The following MED13L variants were observed in gnomAD, a reference collection of about 807,000 sequenced individuals.
The protein encoded by MED13L is mediator complex subunit 13L, also known as mediator of RNA polymerase II transcription subunit 13-like.
In MED13L, 7 loss-of-function variants were observed where a neutral mutation model predicts 220.9. That is an observed-to-expected ratio of 0.03 (90% CI 0.02 to 0.06). MED13L has a LOEUF of 0.06. MED13L is among the 10% of genes least tolerant of loss of function. The pLI is 1.00. For synonymous variants in MED13L, 1,011 were observed against 1,015.2 expected (o/e 1.00, Z 0.08); for missense variants, 1,965 against 2,760.5 (o/e 0.71, Z 6.46).
At chr12:116,040,746 T>C (rs1432619277) in intron 4 of MED13L, among the ~76,000 whole-genome samples, 6 of 148,836 alleles carry the variant, frequency 4.0e-5, no homozygotes, top group African/African-American at 7.5e-5. Context: ...ATACAGCATA[T>C]AGAGTTGGCT....
At chr12:116,105,240 A>AAAGG (rs1285129686) in intron 3 of MED13L, among the ~76,000 whole-genome samples, 2 of 152,262 alleles carry the variant, frequency 1.3e-5, no homozygotes, top group African/African-American at 4.8e-5. Context: ...GAAGTTAATC[A>AAAGG]TAAATACCTA....
intron 4 of MED13L, among the ~76,000 whole-genome samples, chr12:116,052,526 T>C (rs1418070466): frequency 6.6e-6 from 1 of 152,236 alleles, no homozygotes; most frequent in East Asian, 1.9e-4. Flanking sequence ...GAGAAAAATG[T>C]CTTGGTGCCA....
intron 4 of MED13L, among the ~76,000 whole-genome samples, chr12:116,049,401 ATCT>A (rs1882022311): frequency 6.6e-6 from 1 of 152,190 alleles, no homozygotes. Flanking sequence ...ATAAGCATGG[ATCT>A]TCTTAAATGT....
intron 2 of MED13L, among the ~76,000 whole-genome samples, chr12:116,227,583 C>T (rs1450937132): frequency 6.6e-6 from 1 of 152,046 alleles, no homozygotes; most frequent in Non-Finnish European, 1.5e-5. Flanking sequence ...TTTGATGTTA[C>T]TATTATATTG....
intron 2 of MED13L, among the ~76,000 whole-genome samples, chr12:116,140,342 G>T (rs973576519): frequency 6.6e-6 from 1 of 152,170 alleles, no homozygotes; most frequent in African/African-American, 2.4e-5. Flanking sequence ...TTCACAAAAT[G>T]TGTGTCCTGG....
At chr12:116,006,719 C>G (rs748140977) in intron 11 of MED13L, 38 of 423,804 alleles carry the variant, frequency 9.0e-5, no homozygotes, top group Non-Finnish European at 1.5e-4. Flanking sequence ...CCTTTAACAA[C>G]ATTTTAGATG....
intron 4 of MED13L, among the ~76,000 whole-genome samples, chr12:116,071,586 T>C (rs12228420): frequency 0.1 from 15,299 of 152,198 alleles, 1,490 homozygotes; most frequent in East Asian, 0.39. Context: ...GCCACCATTC[T>C]GCAGATACTC....
chr12:116,056,838 A>G (rs1246980380), intron 4 of MED13L, among the ~76,000 whole-genome samples: 1 of 152,238 alleles, frequency 6.6e-6, no homozygotes, highest in Admixed American at 6.5e-5. Flanking sequence ...CTAGAGAGAA[A>G]TGAATTACTA....
chr12:116,176,800 A>AG (rs1880096431), intron 2 of MED13L, among the ~76,000 whole-genome samples: 1 of 149,284 alleles, frequency 6.7e-6, no homozygotes, highest in South Asian at 2.1e-4. Context: ...AGAAAAAGCA[A>AG]GGGGGAGGAA....
chr12:115,976,208 A>G (rs1328664873), intron 23 of MED13L, among the ~76,000 whole-genome samples: 2 of 152,254 alleles, frequency 1.3e-5, no homozygotes, highest in African/African-American at 2.4e-5. Flanking sequence ...AAAAACAGGT[A>G]TAAGAATATT....
chr12:116,124,059 T>C (rs925209427), intron 2 of MED13L, among the ~76,000 whole-genome samples: 5 of 151,818 alleles, frequency 3.3e-5, no homozygotes, highest in African/African-American at 7.3e-5. Flanking sequence ...GTAATTATTT[T>C]TTAACTGACA....
chr12:116,267,097 A>G (rs1872890009), intron 1 of MED13L, among the ~76,000 whole-genome samples: 1 of 152,210 alleles, frequency 6.6e-6, no homozygotes, highest in African/African-American at 2.4e-5. Context: ...TAAAGTTCAA[A>G]GAGCACTCCA....
intron 2 of MED13L, among the ~76,000 whole-genome samples, chr12:116,210,767 G>A (rs376476585): frequency 2.0e-5 from 3 of 151,646 alleles, no homozygotes; most frequent in East Asian, 1.9e-4. Flanking sequence ...AAGCAGAAAC[G>A]TGCCAAAATA....
At chr12:116,233,741 T>A (rs987298026) in intron 2 of MED13L, among the ~76,000 whole-genome samples, 3 of 152,168 alleles carry the variant, frequency 2.0e-5, no homozygotes, top group African/African-American at 4.8e-5. Context: ...AATAATTAGA[T>A]CAAGAATACA....
intron 5 of MED13L, 31 bp downstream of exon 5, chr12:116,022,420 CGGATA>C (rs1451449070): frequency 6.2e-7 from 1 of 1,611,250 alleles, no homozygotes; most frequent in Non-Finnish European, 8.5e-7. Context: ...CACTCGGTGG[CGGATA>C]GGGGTGGAGA....
At chr12:116,162,293 AAT>A (rs1178830285) in intron 2 of MED13L, among the ~76,000 whole-genome samples, 1 of 152,238 alleles carries the variant, frequency 6.6e-6, no homozygotes, top group Admixed American at 6.5e-5. Context: ...CACAAAACCC[AAT>A]AGTCTGCCAT....
rs1435773034 is a variant in MED13L at position 115,986,454 on chromosome 12, T to C, written c.4150A>G (p.Thr1384Ala). Residue 1384 changes from threonine to alanine, a missense_variant, in exon 19 of 31, where the codon ACT (threonine) becomes GCT (alanine). Coordinates refer to ENST00000281928, the MANE Select transcript of MED13L (RefSeq NM_015335.5). The part of the protein sequence containing the change: ...EESPEPLPIP[T>A]LLVGYDKDFL... Reference sequence around the variant, plus strand: ...TCCTTGTCATAGCCTACCAGCAGAGTGGGGATGGGCAACGGCTCAGGAGAT... The same window carrying C: ...TCCTTGTCATAGCCTACCAGCAGAGCGGGGATGGGCAACGGCTCAGGAGAT... The C allele has an allele frequency of 5.0e-6, 8 of 1,613,400 alleles. No homozygotes were observed. Among genetic ancestry groups the C allele is most frequent in the Non-Finnish European group, 6.8e-6 (8 of 1,179,872 alleles).
chr12:116,051,365 T>A (rs1868496563), intron 4 of MED13L, among the ~76,000 whole-genome samples: 1 of 152,104 alleles, frequency 6.6e-6, no homozygotes, highest in Non-Finnish European at 1.5e-5. Flanking sequence ...AAACTAGAAA[T>A]ACAGTTTTAT....
chr12:115,990,608 G>T (rs989993424), intron 17 of MED13L, among the ~76,000 whole-genome samples: 3 of 152,192 alleles, frequency 2.0e-5, no homozygotes, highest in African/African-American at 7.2e-5. Flanking sequence ...AACAGAGAAG[G>T]GAGAAGAGAC....
Sources: allele counts gnomAD v4.1 joint callset (sites outside exome capture counted in the v4.1 genomes callset), GRCh38; gene constraint gnomAD v4.1.1; transcripts MANE v1.5; gene names NCBI Gene and HGNC (gene_info 2026-07-23, HGNC 2026-07-21).